CNTNAP5: variants seen among roughly 807,000 people sequenced by gnomAD.
CNTNAP5 encodes contactin associated protein family member 5.
A neutral mutation model predicts 150.2 loss-of-function variants in CNTNAP5; 72 were observed. The ratio of observed to expected loss-of-function variants is 0.48; its 90% CI spans 0.40 to 0.58. The LOEUF (loss-of-function observed/expected upper bound fraction) is 0.58, where lower values mean the gene tolerates loss of function less well. Ranked by LOEUF, CNTNAP5 falls within the 20% of genes least tolerant of loss-of-function variation. CNTNAP5 has a pLI of 0.00. For missense variants in CNTNAP5, 1,636 were observed against 1,626.2 expected (o/e 1.01, Z -0.10); for synonymous variants, 672 against 619.8 (o/e 1.08, Z -1.25).
chr2:124,128,746 T>A (rs967472298), intron 1 of CNTNAP5, among the ~76,000 whole-genome samples: 6 of 151,498 alleles, frequency 4.0e-5, no homozygotes, highest in Non-Finnish European at 8.8e-5. Flanking sequence ...AAAGGGTGAG[T>A]TCATGTCCTT....
chr2:124,143,789 C>T (rs1353279529), intron 1 of CNTNAP5, among the ~76,000 whole-genome samples: 2 of 125,902 alleles, frequency 1.6e-5, no homozygotes, highest in Non-Finnish European at 3.3e-5. Flanking sequence ...AAGTTCTGGC[C>T]AGGGCAATCA....
At chr2:124,869,635 G>C in intron 20 of CNTNAP5, 40 bp from the exon 21 acceptor site, 2 of 1,338,908 alleles carry the variant, frequency 1.5e-6, no homozygotes, top group Non-Finnish European at 2.1e-6. Flanking sequence ...CTTACCTGCA[G>C]ACCTCTGCTG....
rs1407731890 is a variant in CNTNAP5, at chr2:124,751,972, T to C, written c.2234+4587T>C. Among the ~76,000 whole-genome samples, 5 of 152,170 alleles carry C rather than the reference T, an allele frequency of 3.3e-5. No individual in the cohort carries two copies. The South Asian group carries it at 1.0e-3, about 32-fold the overall frequency. On this transcript the variant is annotated intron_variant, in intron 14 of 23. Coordinates refer to ENST00000682447, the MANE Select transcript of CNTNAP5 (RefSeq NM_001367498.1). Reference sequence around the variant, plus strand: ...TCTCAGAGATGATAAATGGTTCGGTTAAGGTCGCTTGACTAAGGGGCAGAG... The same window carrying C: ...TCTCAGAGATGATAAATGGTTCGGTCAAGGTCGCTTGACTAAGGGGCAGAG...
intron 16 of CNTNAP5, 138 bp downstream of exon 16, chr2:124,764,285 G>T (rs1431251030): frequency 1.2e-5 from 8 of 654,744 alleles, no homozygotes; most frequent in African/African-American, 1.1e-4. Context: ...CAGTGATAAT[G>T]TCTAGTTCCT....
chr2:124,025,775 G>C, intron 1 of CNTNAP5, 43 bp downstream of exon 1: 3 of 1,455,646 alleles, frequency 2.1e-6, no homozygotes, highest in Non-Finnish European at 2.9e-6. Context: ...GGTGGAAAAC[G>C]ATCGCATTCA....
intron 19 of CNTNAP5, among the ~76,000 whole-genome samples, chr2:124,815,935 G>A (rs1682352621): frequency 6.6e-6 from 1 of 152,124 alleles, no homozygotes; most frequent in Admixed American, 6.5e-5. Flanking sequence ...TTAAAGGTAA[G>A]GGACCACTAT....
At chr2:124,040,649 G>GTGTGTT (rs1467767927) in intron 1 of CNTNAP5, among the ~76,000 whole-genome samples, 1 of 151,728 alleles carries the variant, frequency 6.6e-6, no homozygotes. Context: ...GTGTGTGTGT[G>GTGTGTT]TGTGTGTAAC....
chr2:124,763,769 A>G lies in CNTNAP5; in HGVS notation c.2332A>G (p.Arg778Gly). 1 of 1,613,142 alleles carries G rather than the reference A, an allele frequency of 6.2e-7. No individual in the cohort carries two copies. The highest frequency in any genetic ancestry group is 8.5e-7 in the Non-Finnish European group (1 of 1,179,482). The change falls in exon 15 of 24, where the codon AGA becomes GGA. Residue 778 changes from arginine to glycine, a missense_variant. Physicochemically the swap from Arg to Gly is moderately radical, Grantham distance 125. Transcript: ENST00000682447. Reference protein sequence around the residue: ...TDRSNSEAAWRIGPLRCYGDR... With the variant: ...TDRSNSEAAWGIGPLRCYGDR... ...CAGATCAAACTCAGAAGCCGCTTGGAGAATTGGTCCCTTGCGTTGCTATGG... is the reference window on the plus strand; with the variant it reads ...CAGATCAAACTCAGAAGCCGCTTGGGGAATTGGTCCCTTGCGTTGCTATGG...
intron 14 of CNTNAP5, among the ~76,000 whole-genome samples, chr2:124,758,738 G>T (rs1031161044): frequency 6.6e-6 from 1 of 152,042 alleles, no homozygotes; most frequent in African/African-American, 2.4e-5. Context: ...ACTACAGCAT[G>T]CAAGCAGAAA....
chr2:124,147,715 C>G (rs10203586), intron 1 of CNTNAP5, among the ~76,000 whole-genome samples: 66,224 of 152,084 alleles, frequency 0.44, 14,829 homozygotes, highest in Admixed American at 0.54. Context: ...CTGTTGGGAG[C>G]CTCCTGTCAC....
At chr2:124,704,964 A>G (rs553839890) in intron 13 of CNTNAP5, among the ~76,000 whole-genome samples, 1 of 152,272 alleles carries the variant, frequency 6.6e-6, no homozygotes, top group South Asian at 2.1e-4. Context: ...AGACACTCCT[A>G]TGTAGTCTTG....
chr2:124,490,661 A>G (rs1326325345), intron 7 of CNTNAP5, among the ~76,000 whole-genome samples: 1 of 152,132 alleles, frequency 6.6e-6, no homozygotes, highest in Non-Finnish European at 1.5e-5. Context: ...ATGTGTAACT[A>G]TTGAACATTT....
chr2:124,115,782 G>A (rs965941997), intron 1 of CNTNAP5, among the ~76,000 whole-genome samples: 11 of 130,374 alleles, frequency 8.4e-5, no homozygotes, highest in Admixed American at 2.4e-4. Context: ...ATGCCACCAC[G>A]CCTGGCTAAT....
intron 7 of CNTNAP5, among the ~76,000 whole-genome samples, chr2:124,494,229 T>C (rs896047036): frequency 1.3e-5 from 2 of 151,864 alleles, no homozygotes; most frequent in Non-Finnish European, 2.9e-5. Context: ...GTTTGAAGGC[T>C]GGAGAACCAG....
chr2:124,585,352 A>C (rs1257625086), intron 11 of CNTNAP5, among the ~76,000 whole-genome samples: 1 of 152,224 alleles, frequency 6.6e-6, no homozygotes, highest in African/African-American at 2.4e-5. Flanking sequence ...AACTACCCTT[A>C]GTTCAGAAGC....
chr2:124,377,083 T>A (rs537316093), intron 3 of CNTNAP5, among the ~76,000 whole-genome samples: 1 of 152,010 alleles, frequency 6.6e-6, no homozygotes, highest in South Asian at 2.1e-4. Context: ...GAGAAAGAAG[T>A]TGGAAAAAAT....
intron 3 of CNTNAP5, among the ~76,000 whole-genome samples, chr2:124,364,728 A>G (rs1690320452): frequency 6.6e-6 from 1 of 152,238 alleles, no homozygotes; most frequent in Non-Finnish European, 1.5e-5. Flanking sequence ...ATTCCTTACA[A>G]TACATTGGAT....
At chr2:124,583,472 G>A (rs1176515717) in intron 11 of CNTNAP5, among the ~76,000 whole-genome samples, 2 of 152,172 alleles carry the variant, frequency 1.3e-5, no homozygotes, top group Non-Finnish European at 1.5e-5. Flanking sequence ...GGAAGGGCAG[G>A]GGAAAGAGAC....
Position 124,647,849 on chromosome 2 carries a change from G to T in CNTNAP5, c.1968G>T (p.Leu656Phe). ...ANPEKPYAMA[L>F]DYGGSMEQLE... ...CTGAGAAGCCCTATGCCATGGCCTT[G>T]GACTACGGGGGCAGCATGGAACAGC... Residue 656 changes from leucine (L) to phenylalanine (F), a missense_variant, in exon 13 of 24, where the codon TTG becomes TTT. Leu to Phe is a conservative substitution (Grantham distance 22, BLOSUM62 0). Transcript: ENST00000682447. 1 of 1,613,454 alleles carries T rather than the reference G, an allele frequency of 6.2e-7. No homozygotes were observed. Among genetic ancestry groups the T allele is most frequent in the Non-Finnish European group, 8.5e-7 (1 of 1,179,696 alleles).
Sources: allele counts gnomAD v4.1 joint callset (sites outside exome capture counted in the v4.1 genomes callset), GRCh38; gene constraint gnomAD v4.1.1; transcripts MANE v1.5; gene names NCBI Gene and HGNC (gene_info 2026-07-23, HGNC 2026-07-21).